The following ZNF442 variants were observed in gnomAD, a reference collection of about 807,000 sequenced individuals.
ZNF442 encodes zinc finger protein 442.
A neutral mutation model predicts 57.0 loss-of-function variants in ZNF442; 45 were observed. That is an observed-to-expected ratio of 0.79 (90% CI 0.62 to 1.01). The LOEUF (loss-of-function observed/expected upper bound fraction) is 1.01. Among genes scored for constraint, ZNF442 ranks in the 50% least tolerant of loss-of-function variants. The probability of loss-of-function intolerance (pLI) is 0.00; values close to 1 mark genes in which losing one functional copy is unlikely to be tolerated. For synonymous variants in ZNF442, 213 were observed against 241.8 expected, an observed-to-expected ratio of 0.88 and a Z score of 1.10; for missense variants, 690 against 756.5, an observed-to-expected ratio of 0.91 and a Z score of 1.03.
upstream of ZNF442, among the ~76,000 whole-genome samples, chr19:12,369,883 C>T (rs553061094): frequency 1.8e-4 from 27 of 151,006 alleles, no homozygotes; most frequent in Admixed American, 9.3e-4. Flanking sequence ...TCCAGCCTGG[C>T]GACAAAGCTA....
At position 12,356,009 on chromosome 19, in the gene ZNF442, C is replaced by T. The variant is rs1165270409; in HGVS notation, c.79-2895G>A. Among the ~76,000 whole-genome samples the T allele has an allele frequency of 2.6e-5, 4 of 151,474 alleles. No individual in the cohort carries two copies. In the East Asian group the frequency reaches 8.0e-4, roughly 30 times the overall value. On this transcript the variant is annotated intron_variant, in intron 3 of 5. Transcript: ENST00000242804. ...GAATGAGACCCTGTCTCCCCTCAACCTCCCAAAACAAAGAAAAGAAAGTAG... is the reference window on the plus strand; with the variant it reads ...GAATGAGACCCTGTCTCCCCTCAACTTCCCAAAACAAAGAAAAGAAAGTAG...
At chr19:12,360,396 G>A (rs1007891769) in intron 3 of ZNF442, among the ~76,000 whole-genome samples, 1 of 152,138 alleles carries the variant, frequency 6.6e-6, no homozygotes, top group African/African-American at 2.4e-5. Context: ...GGAGTGATCC[G>A]GAGGCTCCCA....
upstream of ZNF442, among the ~76,000 whole-genome samples, chr19:12,370,262 T>G (rs1412065566): frequency 2.0e-5 from 3 of 151,254 alleles, no homozygotes; most frequent in African/African-American, 7.3e-5. Context: ...TCTCATAAGG[T>G]GCATGCAACC....
the ZNF442 span, among the ~76,000 whole-genome samples, chr19:12,373,417 C>G: frequency 1.3e-5 from 2 of 152,144 alleles, no homozygotes; most frequent in South Asian, 4.1e-4. Context: ...TGGCGCACAC[C>G]TATAGTCCCA....
rs189599057 is a variant in ZNF442 at position 12,358,664 on chromosome 19, C to T, written c.78+4890G>A. Among the ~76,000 whole-genome samples, 205 of 152,308 alleles carry T rather than the reference C, an allele frequency of 1.3e-3. 1 individual carries two copies. Among genetic ancestry groups the T allele is most frequent in the South Asian group, 3.5e-3 (17 of 4,828 alleles). The stretch of plus-strand genomic sequence containing the variant: ...GCTACTGGATAAATACACACTGAAT[C>T]TATAATGAGCAACAAAATACAAACT... On this transcript the variant is annotated intron_variant, in intron 3 of 5. Coordinates refer to ENST00000242804, the MANE Select transcript of ZNF442 (RefSeq NM_030824.3).
chr19:12,350,336 G>A lies in ZNF442; in HGVS notation c.1249C>T (p.Pro417Ser). ...CTTTCATGTCCTTGAAATACACTGG[G>A]ATAAATGAAGGCTTTCCCACATACC... The part of the protein sequence containing the change: ...CKVCGKAFIY[P>S]SVFQGHERTH... The change falls in exon 6 of 6, where the codon CCC becomes TCC. Residue 417 changes from proline (P) to serine (S), a missense_variant. Pro to Ser is a moderately conservative substitution (Grantham distance 74). Transcript: ENST00000242804. 6.2e-7 allele frequency: 1 copy of A among 1,613,820 alleles called. No individual in the cohort carries two copies. The highest frequency in any genetic ancestry group is 8.5e-7 in the Non-Finnish European group (1 of 1,180,006).
upstream of ZNF442, among the ~76,000 whole-genome samples, chr19:12,370,776 C>A (rs1412705059): frequency 6.6e-6 from 1 of 151,934 alleles, no homozygotes; most frequent in Non-Finnish European, 1.5e-5. Context: ...AGTTCAAGAT[C>A]AGCCTGGCCA....
intron 3 of ZNF442, among the ~76,000 whole-genome samples, chr19:12,361,973 C>T (rs1308831575): frequency 1.3e-5 from 2 of 152,244 alleles, no homozygotes; most frequent in African/African-American, 2.4e-5. Context: ...CTGCCAGCCT[C>T]GGCCTCCCGA....
chr19:12,363,764 T>C (rs530160460), intron 2 of ZNF442, 93 bp from the exon 3 acceptor site: 35 of 766,610 alleles, frequency 4.6e-5, no homozygotes, highest in Non-Finnish European at 6.8e-5. Flanking sequence ...ACCCAGGGCA[T>C]CCAGCTGTTC....
upstream of ZNF442, among the ~76,000 whole-genome samples, chr19:12,366,882 G>A (rs903456438): frequency 2.6e-5 from 4 of 152,294 alleles, no homozygotes. Context: ...CAATCCGCCG[G>A]CCTCGGCCTC....
chr19:12,352,193 A>C (rs143281827), intron 4 of ZNF442, 123 bp from the exon 5 acceptor site: 139 of 885,396 alleles, frequency 1.6e-4, no homozygotes, highest in Non-Finnish European at 2.2e-4. Context: ...CTCTTGAACA[A>C]CATAGGTTTG....
chr19:12,359,838 C>T (rs573852513), intron 3 of ZNF442, among the ~76,000 whole-genome samples: 1 of 152,144 alleles, frequency 6.6e-6, no homozygotes, highest in South Asian at 2.1e-4. Flanking sequence ...ATTAGCCGGG[C>T]GTAGTGGCAT....
At position 12,350,524 on chromosome 19, in the gene ZNF442, CAT is replaced by C. The variant is rs1208108323; in HGVS notation, c.1059_1060del (p.Ile353MetfsTer6). 1 of 1,613,972 alleles carries C rather than the reference CAT, an allele frequency of 6.2e-7. No homozygotes were observed. The highest frequency in any genetic ancestry group is 8.5e-7 in the Non-Finnish European group (1 of 1,180,022). ...ACTAGGACAATCAAAGCCTTTCCCACATATCTTACATTTATGAGGTCCATCTC... is the reference window on the plus strand; with the variant it reads ...ACTAGGACAATCAAAGCCTTTCCCACATCTTACATTTATGAGGTCCATCTC... On this transcript the variant is annotated frameshift_variant, in exon 6 of 6. Coordinates refer to ENST00000242804, the MANE Select transcript of ZNF442 (RefSeq NM_030824.3). LOFTEE classifies it high-confidence loss of function.
At position 12,349,060 on chromosome 19, in the gene ZNF442, G is replaced by A. The variant is rs563045733; in HGVS notation, c.*641C>T. 2 of 150,342 alleles carry A rather than the reference G, an allele frequency of 1.3e-5. No homozygotes were observed. The highest frequency in any genetic ancestry group is 2.1e-4 in the South Asian group (1 of 4,772). The allele number at this position is 150,342 out of a possible 1,614,324, so 9.3% of individuals were successfully genotyped here. On this transcript the variant is annotated 3_prime_UTR_variant, in exon 6 of 6. Coordinates refer to ENST00000242804, the MANE Select transcript of ZNF442 (RefSeq NM_030824.3). Reference sequence around the variant, plus strand: ...AAAAAAAAAAAAAAAAATTAGCTGGGTGTGGTGGCATGCATCTGTAATCCC... The same window carrying A: ...AAAAAAAAAAAAAAAAATTAGCTGGATGTGGTGGCATGCATCTGTAATCCC...
chr19:12,361,380 A>C (rs1167167838), intron 3 of ZNF442, among the ~76,000 whole-genome samples: 1 of 152,194 alleles, frequency 6.6e-6, no homozygotes, highest in Non-Finnish European at 1.5e-5. Context: ...AGTACACATA[A>C]TAGGAATAGA....
intron 3 of ZNF442, among the ~76,000 whole-genome samples, chr19:12,356,349 C>T (rs1393335427): frequency 6.6e-6 from 1 of 152,044 alleles, no homozygotes; most frequent in Non-Finnish European, 1.5e-5. Flanking sequence ...AAAGAAAGGC[C>T]AGGCGCGGTG....
chr19:12,363,052 G>C (rs1599594610), intron 3 of ZNF442, among the ~76,000 whole-genome samples: 1 of 151,168 alleles, frequency 6.6e-6, no homozygotes, highest in South Asian at 2.1e-4. Context: ...CCAGCTACTC[G>C]GGAGGCTGAG....
In ZNF442 at chr19:12,350,856, A is replaced by C; in HGVS notation, c.729T>G (p.Cys243Trp). 1 of 1,612,722 alleles carries C rather than the reference A, an allele frequency of 6.2e-7. No individual in the cohort carries two copies. Among genetic ancestry groups the C allele is most frequent in the Non-Finnish European group, 8.5e-7 (1 of 1,179,576 alleles). ...GEKPYECKQC[C>W]KAFPIYSSYL... The stretch of plus-strand genomic sequence containing the variant: ...AGGAACTGTAAATAGGGAAGGCTTT[A>C]CAACACTGCTTACATTCATACGGTT... Residue 243 changes from cysteine to tryptophan, a missense_variant, in exon 6 of 6, where the codon TGT becomes TGG. Physicochemically the swap from Cys to Trp is radical, Grantham distance 215. Transcript: ENST00000242804.
In ZNF442 at chr19:12,349,622, G is replaced by A. The variant is rs1969180008; in HGVS notation, c.*79C>T. On this transcript the variant is annotated 3_prime_UTR_variant, in exon 6 of 6. Transcript: ENST00000242804. The stretch of plus-strand genomic sequence containing the variant: ...CATCTTAAGGCTTTACCATGTGTTT[G>A]CATTCATGAGGCTTATCTCCTATGT... The A allele has an allele frequency of 1.4e-6, 2 of 1,385,562 alleles. No homozygotes were observed. The highest frequency in any genetic ancestry group is 2.0e-6 in the Non-Finnish European group (2 of 1,019,298). 85.8% of individuals were successfully genotyped at this position (1,385,562 alleles called of 1,614,324 possible).
Sources: allele counts gnomAD v4.1 joint callset (sites outside exome capture counted in the v4.1 genomes callset), GRCh38; gene constraint gnomAD v4.1.1; transcripts MANE v1.5; gene names NCBI Gene and HGNC (gene_info 2026-07-23, HGNC 2026-07-21).